Variants in MAN1C1 observed in about 807,000 individuals in gnomAD.
The protein encoded by MAN1C1 is mannosidase alpha class 1C member 1.
A neutral mutation model predicts 71.5 loss-of-function variants in MAN1C1; 49 were observed. The ratio of observed to expected loss-of-function variants is 0.69; its 90% CI spans 0.54 to 0.87. The LOEUF (loss-of-function observed/expected upper bound fraction) is 0.87, where lower values mean the gene tolerates loss of function less well. Ranked by LOEUF, MAN1C1 falls within the 40% of genes least tolerant of loss-of-function variation. The pLI is 0.00. For missense variants in MAN1C1, 743 were observed against 835.0 expected, an observed-to-expected ratio of 0.89 and a Z score of 1.36; for synonymous variants, 352 against 343.7, an observed-to-expected ratio of 1.02 and a Z score of -0.27.
At chr1:25,740,944 C>G (rs2124324251) in intron 2 of MAN1C1, among the ~76,000 whole-genome samples, 1 of 151,882 alleles carries the variant, frequency 6.6e-6, no homozygotes, top group Admixed American at 6.5e-5. Context: ...AGACGGCCAG[C>G]AGGATTTGCT....
intron 1 of MAN1C1, among the ~76,000 whole-genome samples, chr1:25,674,259 G>A (rs2046033481): frequency 6.6e-6 from 1 of 152,238 alleles, no homozygotes; most frequent in African/African-American, 2.4e-5. Flanking sequence ...CCACTGGGCA[G>A]TGAGTGCTTC....
chr1:25,770,645 C>T (rs2047537444), intron 7 of MAN1C1, among the ~76,000 whole-genome samples: 1 of 152,192 alleles, frequency 6.6e-6, no homozygotes. Flanking sequence ...ATAAATAATA[C>T]ATTGAGGCTC....
At chr1:25,651,388 C>T (rs1275120881) in intron 1 of MAN1C1, among the ~76,000 whole-genome samples, 1 of 152,192 alleles carries the variant, frequency 6.6e-6, no homozygotes, top group Non-Finnish European at 1.5e-5. Flanking sequence ...GAGCTCACTG[C>T]CTTGTTGCTG....
chr1:25,755,486 C>A (rs2047273683), intron 5 of MAN1C1, among the ~76,000 whole-genome samples: 1 of 152,220 alleles, frequency 6.6e-6, no homozygotes, highest in Non-Finnish European at 1.5e-5. Context: ...TCCATTTACA[C>A]ATGCATGCTC....
At chr1:25,621,694 G>A (rs141416478) in intron 1 of MAN1C1, among the ~76,000 whole-genome samples, 3 of 151,970 alleles carry the variant, frequency 2.0e-5, no homozygotes. Flanking sequence ...CGTGGTCTTG[G>A]CTCACTGCAG....
chr1:25,749,930 G>A (rs1399759403), intron 4 of MAN1C1, among the ~76,000 whole-genome samples: 1 of 152,220 alleles, frequency 6.6e-6, no homozygotes, highest in Non-Finnish European at 1.5e-5. Context: ...GGCAGCCACT[G>A]CTGTATCTGC....
At chr1:25,712,300 T>G (rs2046624072) in intron 2 of MAN1C1, among the ~76,000 whole-genome samples, 1 of 152,216 alleles carries the variant, frequency 6.6e-6, no homozygotes, top group Non-Finnish European at 1.5e-5. Flanking sequence ...CATACTAACG[T>G]GCCCGTTAGG....
chr1:25,692,019 G>A (rs896875925), intron 2 of MAN1C1, among the ~76,000 whole-genome samples: 1 of 152,226 alleles, frequency 6.6e-6, no homozygotes, highest in Non-Finnish European at 1.5e-5. Flanking sequence ...CACCCCAGAA[G>A]GGTTCTTTGA....
In MAN1C1 at chr1:25,644,509, TA is replaced by T. The variant is rs1557746224; in HGVS notation, c.540+26173del. 61 of 97,860 alleles carry T rather than the reference TA, an allele frequency of 6.2e-4. 1 individual carries two copies. The highest frequency in any genetic ancestry group is 3.8e-3 in the African/African-American group (58 of 15,206). The allele number at this position is 97,860 out of a possible 1,614,324, so 6.1% of individuals were successfully genotyped here. ...ATGGTACCAGAGACATATATATATA[TA>T]TATATATATTTTTTTTTTTTTTTTT... On this transcript the variant is annotated intron_variant, in intron 1 of 11. Coordinates refer to ENST00000374332, the MANE Select transcript of MAN1C1 (RefSeq NM_020379.4).
chr1:25,639,275 T>C (rs988021890), intron 1 of MAN1C1, among the ~76,000 whole-genome samples: 1 of 152,192 alleles, frequency 6.6e-6, no homozygotes, highest in Non-Finnish European at 1.5e-5. Flanking sequence ...TCCTAAAGCA[T>C]ATTTATAATA....
intron 2 of MAN1C1, among the ~76,000 whole-genome samples, chr1:25,695,959 G>A (rs181450772): frequency 5.9e-5 from 9 of 152,230 alleles, no homozygotes; most frequent in Admixed American, 3.9e-4. Flanking sequence ...TTTTCATTTC[G>A]AAGGGGGTAT....
chr1:25,724,053 A>C (rs2046801423), intron 2 of MAN1C1, among the ~76,000 whole-genome samples: 1 of 144,500 alleles, frequency 6.9e-6, no homozygotes, highest in African/African-American at 2.6e-5. Flanking sequence ...TTTGAAACAG[A>C]GTTTTGCTCT....
chr1:25,678,170 T>C (rs193295515), intron 1 of MAN1C1, among the ~76,000 whole-genome samples: 2 of 152,336 alleles, frequency 1.3e-5, no homozygotes, highest in African/African-American at 4.8e-5. Flanking sequence ...GTGAATTTCA[T>C]ACTATGTAAT....
At chr1:25,670,394 G>T (rs891563394) in intron 1 of MAN1C1, among the ~76,000 whole-genome samples, 41 of 152,194 alleles carry the variant, frequency 2.7e-4, no homozygotes, top group African/African-American at 8.2e-4. Context: ...TAAAGTTTGG[G>T]TAAAAGAACT....
chr1:25,708,722 T>C (rs2046561248), intron 2 of MAN1C1, among the ~76,000 whole-genome samples: 1 of 152,134 alleles, frequency 6.6e-6, no homozygotes, highest in Non-Finnish European at 1.5e-5. Flanking sequence ...CTGTCTCTAC[T>C]GAAAATACAA....
intron 8 of MAN1C1, among the ~76,000 whole-genome samples, chr1:25,777,389 C>G (rs2047632455): frequency 6.6e-6 from 1 of 152,122 alleles, no homozygotes; most frequent in Non-Finnish European, 1.5e-5. Flanking sequence ...CCCGACATCC[C>G]AGAGTCTTTA....
intron 5 of MAN1C1, among the ~76,000 whole-genome samples, chr1:25,758,264 A>G (rs984278007): frequency 6.6e-6 from 1 of 152,230 alleles, no homozygotes; most frequent in East Asian, 1.9e-4. Context: ...GGCCCCTGAT[A>G]GCATTATCCA....
intron 2 of MAN1C1, among the ~76,000 whole-genome samples, chr1:25,744,566 C>T (rs1021213503): frequency 3.3e-5 from 5 of 152,044 alleles, no homozygotes; most frequent in South Asian, 2.1e-4. Flanking sequence ...CCCTCCTTGG[C>T]GGGCCCTCCC....
At chr1:25,743,315 C>T (rs963812122) in intron 2 of MAN1C1, among the ~76,000 whole-genome samples, 1 of 152,182 alleles carries the variant, frequency 6.6e-6, no homozygotes, top group Non-Finnish European at 1.5e-5. Flanking sequence ...ATGGAGCCCG[C>T]CCCAGCCACA....
Sources: allele counts gnomAD v4.1 joint callset (sites outside exome capture counted in the v4.1 genomes callset), GRCh38; gene constraint gnomAD v4.1.1; transcripts MANE v1.5; gene names NCBI Gene and HGNC (gene_info 2026-07-23, HGNC 2026-07-21).